RANBP2: variants seen among roughly 807,000 people sequenced by gnomAD.
RANBP2 encodes RAN binding protein 2, also known as E3 SUMO-protein ligase RanBP2.
RANBP2 carries 57 observed loss-of-function variants against 303.6 expected under a neutral mutation model. The ratio of observed to expected loss-of-function variants is 0.19; its 90% CI spans 0.15 to 0.23. The LOEUF (loss-of-function observed/expected upper bound fraction) is 0.23, where lower values mean the gene tolerates loss of function less well. RANBP2 is among the 10% of genes least tolerant of loss of function. The pLI is 1.00. For synonymous variants in RANBP2, 1,167 were observed against 1,301.5 expected, an observed-to-expected ratio of 0.90 and a Z score of 2.23; for missense variants, 3,138 against 3,780.8, an observed-to-expected ratio of 0.83 and a Z score of 4.46.
At chr2:109,272,833 TG>T in the RANBP2 span, among the ~76,000 whole-genome samples, 1 of 152,196 alleles carries the variant, frequency 6.6e-6, no homozygotes. Context: ...GCTTGGTGTG[TG>T]TGGGTTCCCG....
At chr2:108,773,121 A>T in intron 23 of RANBP2, 75 bp downstream of exon 23, 1 of 1,437,958 alleles carries the variant, frequency 7.0e-7, no homozygotes, top group Non-Finnish European at 9.6e-7. Flanking sequence ...GAATGTTCTT[A>T]TTTATTTATT....
the RANBP2 span, among the ~76,000 whole-genome samples, chr2:109,457,089 TCA>T: frequency 1.3e-5 from 2 of 152,202 alleles, no homozygotes; most frequent in Non-Finnish European, 2.9e-5. Flanking sequence ...CTTCCATGCC[TCA>T]GTTTCCACAT....
the RANBP2 span, among the ~76,000 whole-genome samples, chr2:109,509,665 C>T: frequency 6.6e-6 from 1 of 151,952 alleles, no homozygotes; most frequent in Admixed American, 6.6e-5. Flanking sequence ...CATGACATGT[C>T]CCCTTTAAGC....
At chr2:109,439,276 T>A in the RANBP2 span, among the ~76,000 whole-genome samples, 2 of 152,236 alleles carry the variant, frequency 1.3e-5, no homozygotes, top group South Asian at 2.1e-4. Flanking sequence ...ACGGGATGGT[T>A]AAACGGCTCC....
At chr2:108,994,729 G>A in the RANBP2 span, among the ~76,000 whole-genome samples, 1 of 150,248 alleles carries the variant, frequency 6.7e-6, no homozygotes, top group Non-Finnish European at 1.5e-5. Flanking sequence ...ATTAACCAGT[G>A]GATATCTAAA....
the RANBP2 span, among the ~76,000 whole-genome samples, chr2:109,291,506 C>T: frequency 1.3e-5 from 2 of 152,158 alleles, no homozygotes; most frequent in African/African-American, 4.8e-5. Flanking sequence ...GCACGTGCTG[C>T]GGAGGAGCGC....
chr2:109,450,276 G>C, the RANBP2 span, among the ~76,000 whole-genome samples: 1 of 152,002 alleles, frequency 6.6e-6, no homozygotes. Context: ...AAACCGGGGG[G>C]CAGAGCCTGC....
chr2:108,967,958 A>G, the RANBP2 span, among the ~76,000 whole-genome samples: 1 of 152,212 alleles, frequency 6.6e-6, no homozygotes, highest in Non-Finnish European at 1.5e-5. Context: ...CCCCAGCCAC[A>G]GGGGTAGAAA....
chr2:109,614,536 AGGCGGTGCTGCGCTTCCT>A, the RANBP2 span: 1 of 1,290,278 alleles, frequency 7.8e-7, no homozygotes, highest in Non-Finnish European at 9.7e-7. Context: ...CTGGGCCCCG[AGGCGGTGCTGCGCTTCCT>A]GGCGGAGCGC....
the RANBP2 span, among the ~76,000 whole-genome samples, chr2:109,060,509 C>T: frequency 1.3e-5 from 2 of 152,192 alleles, no homozygotes; most frequent in East Asian, 3.8e-4. Context: ...CTCCACTTCC[C>T]ACCCTTGCTT....
At chr2:109,325,787 C>T in the RANBP2 span, among the ~76,000 whole-genome samples, 1 of 152,218 alleles carries the variant, frequency 6.6e-6, no homozygotes, top group Non-Finnish European at 1.5e-5. Context: ...CAGGTGCCTG[C>T]TGCACCCTCC....
the RANBP2 span, among the ~76,000 whole-genome samples, chr2:109,316,048 T>G: frequency 7.5e-4 from 114 of 152,254 alleles, no homozygotes; most frequent in African/African-American, 2.3e-3. Context: ...ATTCCCAGTA[T>G]TTAGAGATTA....
chr2:109,076,460 A>C, the RANBP2 span, among the ~76,000 whole-genome samples: 5 of 129,752 alleles, frequency 3.9e-5, no homozygotes, highest in Admixed American at 7.4e-5. Flanking sequence ...AACTTAAACA[A>C]GGAAAATTGT....
chr2:109,629,886 A>G, the RANBP2 span, among the ~76,000 whole-genome samples: 1 of 152,172 alleles, frequency 6.6e-6, no homozygotes, highest in African/African-American at 2.4e-5. Context: ...AATATTTATT[A>G]ATTAAAAAGC....
chr2:108,824,261 A>T, the RANBP2 span, among the ~76,000 whole-genome samples: 1 of 152,186 alleles, frequency 6.6e-6, no homozygotes, highest in African/African-American at 2.4e-5. Context: ...ACTCTGTAAT[A>T]TTAACACTTC....
At chr2:109,123,319 T>TTTCCCTCC in the RANBP2 span, among the ~76,000 whole-genome samples, 2 of 129,940 alleles carry the variant, frequency 1.5e-5, no homozygotes, top group Admixed American at 8.0e-5. Context: ...CTTTTCTTTC[T>TTTCCCTCC]TTCCTTCCTT....
At chr2:109,084,454 A>G in the RANBP2 span, among the ~76,000 whole-genome samples, 4 of 152,192 alleles carry the variant, frequency 2.6e-5, no homozygotes, top group Non-Finnish European at 5.9e-5. Context: ...ATGATACTGG[A>G]GTGACATGAC....
the RANBP2 span, among the ~76,000 whole-genome samples, chr2:108,824,727 G>A: frequency 1.3e-4 from 19 of 151,944 alleles, no homozygotes; most frequent in Non-Finnish European, 1.5e-5. Context: ...CATAACAAAT[G>A]TATGTGTTAT....
chr2:109,525,323 T>C, the RANBP2 span, among the ~76,000 whole-genome samples: 2 of 151,934 alleles, frequency 1.3e-5, no homozygotes, highest in African/African-American at 4.8e-5. Flanking sequence ...CCCAGCTAAT[T>C]TTTTTTGAAT....
Sources: allele counts gnomAD v4.1 joint callset (sites outside exome capture counted in the v4.1 genomes callset), GRCh38; gene constraint gnomAD v4.1.1; transcripts MANE v1.5; gene names NCBI Gene and HGNC (gene_info 2026-07-23, HGNC 2026-07-21).